Variants in MTUS2 observed in about 807,000 individuals in gnomAD.
The protein encoded by MTUS2 is microtubule associated scaffold protein 2, also known as microtubule-associated tumor suppressor candidate 2.
A neutral mutation model predicts 114.1 loss-of-function variants in MTUS2; 40 were observed. That is an observed-to-expected ratio of 0.35 (90% CI 0.27 to 0.46). The LOEUF is 0.46. Among genes scored for constraint, MTUS2 ranks in the 20% least tolerant of loss-of-function variants. The pLI is 1.00. For synonymous variants in MTUS2, 688 were observed against 672.0 expected, an observed-to-expected ratio of 1.02 and a Z score of -0.37; for missense variants, 1,679 against 1,705.4, an observed-to-expected ratio of 0.98 and a Z score of 0.27.
At chr13:29,159,300 TTC>T (rs1004314809) in intron 5 of MTUS2, among the ~76,000 whole-genome samples, 1 of 152,188 alleles carries the variant, frequency 6.6e-6, no homozygotes, top group Admixed American at 6.5e-5. Context: ...TATTTTAATA[TTC>T]TCTCTCTATG....
At chr13:29,010,659 A>G (rs767049094) in intron 2 of MTUS2, among the ~76,000 whole-genome samples, 3 of 151,922 alleles carry the variant, frequency 2.0e-5, no homozygotes, top group Non-Finnish European at 2.9e-5. Flanking sequence ...TTTTCTTCCT[A>G]TTTACTTGCT....
intron 2 of MTUS2, among the ~76,000 whole-genome samples, chr13:28,853,852 A>T (rs918655365): frequency 6.6e-6 from 1 of 152,246 alleles, no homozygotes; most frequent in African/African-American, 2.4e-5. Flanking sequence ...GGAGTTCAAG[A>T]TCATCAAGAA....
chr13:29,114,998 A>G (rs1324977489), intron 5 of MTUS2, among the ~76,000 whole-genome samples: 1 of 152,236 alleles, frequency 6.6e-6, no homozygotes, highest in African/African-American at 2.4e-5. Flanking sequence ...AAATTACTGT[A>G]GGCACCTGCA....
At chr13:29,425,489 A>G (rs1015337163) in intron 8 of MTUS2, among the ~76,000 whole-genome samples, 2 of 152,208 alleles carry the variant, frequency 1.3e-5, no homozygotes, top group Admixed American at 1.3e-4. Context: ...AGTGAAAATA[A>G]GGTAACAGTC....
chr13:29,449,210 G>A (rs147499922), intron 9 of MTUS2, among the ~76,000 whole-genome samples: 1 of 152,284 alleles, frequency 6.6e-6, no homozygotes, highest in African/African-American at 2.4e-5. Context: ...AATTTTGAGA[G>A]CTTGATATTA....
chr13:29,268,801 C>T (rs1252853632), intron 5 of MTUS2, among the ~76,000 whole-genome samples: 3 of 152,188 alleles, frequency 2.0e-5, no homozygotes, highest in African/African-American at 7.2e-5. Flanking sequence ...GCGATCATAG[C>T]TCACTGCAGC....
Position 29,269,556 on chromosome 13 carries a change from A to G in MTUS2, c.2645-12148A>G, listed in dbSNP as rs1054998425. Reference sequence around the variant, plus strand: ...ATGGCTCTTATTAAAAGGACAAAAGATAACACATGTTGGTGAAGATGTGGA... The same window carrying G: ...ATGGCTCTTATTAAAAGGACAAAAGGTAACACATGTTGGTGAAGATGTGGA... On this transcript the variant is annotated intron_variant, in intron 5 of 15. Coordinates refer to ENST00000612955, the MANE Select transcript of MTUS2 (RefSeq NM_001033602.4). 2.6e-5 allele frequency among the ~76,000 whole-genome samples: 4 copies of G among 152,236 alleles called. No individual in the cohort carries two copies. The South Asian group carries it at 8.3e-4, about 32-fold the overall frequency.
chr13:28,863,071 C>G (rs1877089919), intron 2 of MTUS2, among the ~76,000 whole-genome samples: 1 of 152,168 alleles, frequency 6.6e-6, no homozygotes, highest in Non-Finnish European at 1.5e-5. Flanking sequence ...CACATGCTGT[C>G]TCATCTTTTG....
At chr13:29,401,615 C>T (rs1234206289) in intron 8 of MTUS2, among the ~76,000 whole-genome samples, 1 of 152,160 alleles carries the variant, frequency 6.6e-6, no homozygotes, top group Non-Finnish European at 1.5e-5. Flanking sequence ...CCAGCATCCC[C>T]CATGGATTTG....
At chr13:29,271,557 T>C (rs1201726945) in intron 5 of MTUS2, among the ~76,000 whole-genome samples, 1 of 152,242 alleles carries the variant, frequency 6.6e-6, no homozygotes, top group East Asian at 1.9e-4. Flanking sequence ...CTTCTTGTTC[T>C]TTCTTGGTGC....
chr13:28,883,023 A>T (rs1368569576), intron 2 of MTUS2, among the ~76,000 whole-genome samples: 1 of 152,244 alleles, frequency 6.6e-6, no homozygotes, highest in African/African-American at 2.4e-5. Flanking sequence ...TGAGTAGGAT[A>T]TACAGATGGC....
intron 2 of MTUS2, among the ~76,000 whole-genome samples, chr13:28,925,104 G>A (rs781172071): frequency 1.3e-5 from 2 of 152,096 alleles, no homozygotes; most frequent in Non-Finnish European, 2.9e-5. Context: ...CCTTTAGGCC[G>A]TGGAATGGTT....
At chr13:28,940,843 A>G (rs1401139775) in intron 2 of MTUS2, among the ~76,000 whole-genome samples, 1 of 152,146 alleles carries the variant, frequency 6.6e-6, no homozygotes, top group Non-Finnish European at 1.5e-5. Flanking sequence ...GTGTATTTAG[A>G]GTTCCAGAAA....
chr13:29,338,319 G>T (rs1294614832), intron 7 of MTUS2, among the ~76,000 whole-genome samples: 1 of 151,312 alleles, frequency 6.6e-6, no homozygotes, highest in African/African-American at 2.4e-5. Context: ...AGAGGCGGTG[G>T]CTCACACCTG....
chr13:28,859,877 C>CGA (rs1399345915), intron 2 of MTUS2, among the ~76,000 whole-genome samples: 16 of 151,720 alleles, frequency 1.1e-4, no homozygotes, highest in South Asian at 2.1e-4. Flanking sequence ...TGAGGCCTGA[C>CGA]GAGAGAGAGA....
At chr13:29,086,691 T>G (rs1256108879) in intron 4 of MTUS2, among the ~76,000 whole-genome samples, 2 of 152,238 alleles carry the variant, frequency 1.3e-5, no homozygotes, top group Admixed American at 1.3e-4. Context: ...GGAATAACAT[T>G]GAATCTGTAA....
At chr13:28,900,788 C>G (rs2137958328) in intron 2 of MTUS2, among the ~76,000 whole-genome samples, 1 of 152,326 alleles carries the variant, frequency 6.6e-6, no homozygotes, top group East Asian at 1.9e-4. Flanking sequence ...GGTTAGACAA[C>G]AGACATTTAG....
intron 6 of MTUS2, among the ~76,000 whole-genome samples, chr13:29,311,498 A>C (rs1181821140): frequency 6.6e-6 from 1 of 152,222 alleles, no homozygotes; most frequent in Non-Finnish European, 1.5e-5. Context: ...ATGCATTTAA[A>C]TGGTTATGGC....
At chr13:29,174,919 A>G (rs961247176) in intron 5 of MTUS2, among the ~76,000 whole-genome samples, 2 of 152,214 alleles carry the variant, frequency 1.3e-5, no homozygotes, top group Non-Finnish European at 2.9e-5. Flanking sequence ...TTTCCAGTCT[A>G]GAAATTGAAG....
Sources: allele counts gnomAD v4.1 joint callset (sites outside exome capture counted in the v4.1 genomes callset), GRCh38; gene constraint gnomAD v4.1.1; transcripts MANE v1.5; gene names NCBI Gene and HGNC (gene_info 2026-07-23, HGNC 2026-07-21).